Variants in CFAP157 observed in about 807,000 individuals in gnomAD.
CFAP157 encodes the protein cilia- and flagella-associated protein 157.
In CFAP157, 43 loss-of-function variants were observed where a neutral mutation model predicts 57.8. The observed-to-expected ratio is 0.74, with a 90% CI of 0.58 to 0.96. CFAP157 has a LOEUF of 0.96. Ranked by LOEUF, CFAP157 falls within the 40% of genes least tolerant of loss-of-function variation. The probability of loss-of-function intolerance (pLI) is 0.00; values close to 1 mark genes in which losing one functional copy is unlikely to be tolerated. For missense variants in CFAP157, 606 were observed against 655.3 expected, an observed-to-expected ratio of 0.92 and a Z score of 0.82; for synonymous variants, 267 against 269.0, an observed-to-expected ratio of 0.99 and a Z score of 0.07.
chr9:127,712,282 A>C lies in CFAP157; in HGVS notation c.1070A>C (p.Gln357Pro), dbSNP rs201161264. ...QRLQQELANE[Q>P]KVRASLEAAL... ...CTACAGCAGGAACTGGCTAATGAGC[A>C]GAAGGTTCGGGCCAGCCTGGAGGCG... The change falls in exon 6 of 9, where the codon CAG (glutamine) becomes CCG (proline). Residue 357 changes from glutamine (Q) to proline (P), a missense_variant. Coordinates refer to ENST00000373295, the MANE Select transcript of CFAP157 (RefSeq NM_001012502.3). 26 of 1,614,082 alleles carry C rather than the reference A, an allele frequency of 1.6e-5. No homozygotes were observed. The highest frequency in any genetic ancestry group is 2.1e-5 in the Non-Finnish European group (25 of 1,179,998).
chr9:127,715,887 G>A lies in CFAP157; in HGVS notation c.*1982G>A. 1 of 812,366 alleles carries A rather than the reference G, an allele frequency of 1.2e-6. No homozygotes were observed. The highest frequency in any genetic ancestry group is 1.9e-6 in the Non-Finnish European group (1 of 526,600). 50.3% of individuals were successfully genotyped at this position (812,366 alleles called of 1,614,324 possible). ...CGCTCGGAGCTCTTGCTTGACCTTC[G>A]GTTGGGAGGCCTTGTTATGCCCCCC... On this transcript the variant is annotated 3_prime_UTR_variant, in exon 9 of 9. Coordinates refer to ENST00000373295, the MANE Select transcript of CFAP157 (RefSeq NM_001012502.3). The surrounding 1 kb of genome is among the most constrained non-coding windows in gnomAD (Gnocchi z 5.8).
At chr9:127,710,808 C>G in intron 3 of CFAP157, 54 bp downstream of exon 3, 1 of 1,539,256 alleles carries the variant, frequency 6.5e-7, no homozygotes, top group South Asian at 1.2e-5. Flanking sequence ...CCTGGGGCTA[C>G]GAACATCCTA....
Position 127,711,914 on chromosome 9 carries a change from G to A in CFAP157, c.950G>A (p.Arg317Lys). ...LRLLLSQLEQ[R>K]SLQLQVDNQA... ...CTCCTGCTGAGCCAGTTGGAGCAGA[G>A]ATCCCTGCAGCTGCAGGTGGATAAC... The change falls in exon 5 of 9, where the codon AGA (arginine) becomes AAA (lysine). Residue 317 changes from arginine to lysine, a missense_variant. By Grantham distance (26) the Arg-to-Lys change is conservative. Coordinates refer to ENST00000373295, the MANE Select transcript of CFAP157 (RefSeq NM_001012502.3). 3 of 1,605,100 alleles carry A rather than the reference G, an allele frequency of 1.9e-6. No homozygotes were observed. The highest frequency in any genetic ancestry group is 2.5e-6 in the Non-Finnish European group (3 of 1,176,988).
chr9:127,710,738 G>C lies in CFAP157; in HGVS notation c.571G>C (p.Val191Leu), dbSNP rs779859762. 1.3e-6 allele frequency: 2 copies of C among 1,567,218 alleles called. No homozygotes were observed. Among genetic ancestry groups the C allele is most frequent in the Non-Finnish European group, 1.7e-6 (2 of 1,155,000 alleles). Residue 191 changes from valine to leucine, a missense_variant, in exon 3 of 9, where the codon GTG (valine) becomes CTG (leucine). Transcript: ENST00000373295. ...TGCATACAACCTGGAGAAGAAGTCG[G>C]TGCTGGACAAGGACAGGTGGGCAAG... is the stretch of plus-strand genomic sequence containing the variant. ...DYAYNLEKKS[V>L]LDKDRLRKEI...
chr9:127,712,071 C>T, intron 5 of CFAP157, 121 bp downstream of exon 5: 1 of 1,500,070 alleles, frequency 6.7e-7, no homozygotes, highest in Non-Finnish European at 9.0e-7. Context: ...GCCTGCCAGA[C>T]AGGCTGAGGC....
In CFAP157 at chr9:127,713,496, CTTTTTTTTTT is replaced by C. The variant is rs58502035; in HGVS notation, c.1491+309_1492-310del. The stretch of plus-strand genomic sequence containing the variant: ...CCTCAGCTTCCAAGCCAGCATCTTT[CTTTTTTTTTT>C]TTTTTTTTTTTTTTTTTTGAGACAG... On this transcript the variant is annotated intron_variant, in intron 8 of 8. Coordinates refer to ENST00000373295, the MANE Select transcript of CFAP157 (RefSeq NM_001012502.3). 24 of 90,932 alleles carry C rather than the reference CTTTTTTTTTT, an allele frequency of 2.6e-4. 1 individual carries two copies. Among genetic ancestry groups the C allele is most frequent in the South Asian group, 9.6e-4 (5 of 5,198 alleles). The allele number at this position is 90,932 out of a possible 1,614,324, so 5.6% of individuals were successfully genotyped here. A position where few individuals can be genotyped will look rare whatever the true frequency, so the allele number is the denominator to read the frequency against.
In CFAP157 at chr9:127,715,072, G is replaced by C; in HGVS notation, c.*1167G>C. On this transcript the variant is annotated 3_prime_UTR_variant, in exon 9 of 9. Coordinates refer to ENST00000373295, the MANE Select transcript of CFAP157 (RefSeq NM_001012502.3). The surrounding 1 kb of genome is among the most constrained non-coding windows in gnomAD (Gnocchi z 5.8). The stretch of plus-strand genomic sequence containing the variant: ...CCAGCGGGGCCAGGGCGAGGTCGGC[G>C]GCACAGTGCCGGTCGCGCGTCCAAC... The C allele has an allele frequency of 2.0e-6, 3 of 1,528,942 alleles. No homozygotes were observed. Among genetic ancestry groups the C allele is most frequent in the Non-Finnish European group, 2.6e-6 (3 of 1,143,872 alleles). The allele number at this position is 1,528,942 out of a possible 1,614,324, so 94.7% of individuals were successfully genotyped here.
chr9:127,711,927 G>A lies in CFAP157; in HGVS notation c.963G>A (p.Leu321=). 1.2e-6 allele frequency: 2 copies of A among 1,606,170 alleles called. No homozygotes were observed. The highest frequency in any genetic ancestry group is 1.7e-6 in the Non-Finnish European group (2 of 1,177,532). The change falls in exon 5 of 9, where the codon CTG becomes CTA. Residue 321 remains leucine, a synonymous_variant. Transcript: ENST00000373295. Reference sequence around the variant, plus strand: ...AGTTGGAGCAGAGATCCCTGCAGCTGCAGGTGGATAACCAGGCACTGAAGT... The same window carrying A: ...AGTTGGAGCAGAGATCCCTGCAGCTACAGGTGGATAACCAGGCACTGAAGT... ...LSQLEQRSLQ[L]QVDNQALKSQ...
chr9:127,711,957 A>G lies in CFAP157; in HGVS notation c.986+7A>G. 3 of 1,604,478 alleles carry G rather than the reference A, an allele frequency of 1.9e-6. No homozygotes were observed. The highest frequency in any genetic ancestry group is 2.2e-5 in the South Asian group (2 of 89,122). ...TGGATAACCAGGCACTGAAGTGCGT[A>G]TGGCCCACGGAGGGGCGGGCGGCGG... is the stretch of plus-strand genomic sequence containing the variant. On this transcript the variant is annotated splice_region_variant and intron_variant, in intron 5 of 8. Coordinates refer to ENST00000373295, the MANE Select transcript of CFAP157 (RefSeq NM_001012502.3).
In CFAP157 at chr9:127,713,194, C is replaced by T. The variant is rs769800465; in HGVS notation, c.1479C>T (p.His493=). 214 of 1,547,906 alleles carry T rather than the reference C, an allele frequency of 1.4e-4. No homozygotes were observed. The highest frequency in any genetic ancestry group is 1.8e-4 in the Non-Finnish European group (211 of 1,146,576). Residue 493 remains histidine, a synonymous_variant, in exon 8 of 9, where the codon CAC becomes CAT. Transcript: ENST00000373295. ...YITRVGTFRA[H]SSPEMRAPGS... is the part of the protein sequence containing the mutation. ...CCCGTGTGGGGACCTTCCGGGCACACAGCAGCCCTGAGGTGAGGGTGCCAG... is the reference window on the plus strand; with the variant it reads ...CCCGTGTGGGGACCTTCCGGGCACATAGCAGCCCTGAGGTGAGGGTGCCAG...
intron 1 of CFAP157, among the ~76,000 whole-genome samples, chr9:127,708,923 C>T (rs922266465): frequency 3.3e-5 from 5 of 152,180 alleles, no homozygotes; most frequent in African/African-American, 9.7e-5. Context: ...CAGAGCTGGC[C>T]GACTGCAGCA....
At chr9:127,707,744 C>T (rs888161898) in intron 1 of CFAP157, among the ~76,000 whole-genome samples, 1 of 152,206 alleles carries the variant, frequency 6.6e-6, no homozygotes, top group Non-Finnish European at 1.5e-5. Flanking sequence ...GATCCTCTAA[C>T]TCTTCATTCA....
chr9:127,707,820 C>G (rs775117728), intron 1 of CFAP157, among the ~76,000 whole-genome samples: 1 of 152,156 alleles, frequency 6.6e-6, no homozygotes, highest in Non-Finnish European at 1.5e-5. Context: ...TGTGAGGCAC[C>G]GCCCCAGTCT....
chr9:127,715,463 G>A lies in CFAP157; in HGVS notation c.*1558G>A. The stretch of plus-strand genomic sequence containing the variant: ...TTAAGAAAACAGAGCAGCAATTTGG[G>A]GGCACTCGGCTCCCGGGACATAATG... On this transcript the variant is annotated 3_prime_UTR_variant, in exon 9 of 9. Coordinates refer to ENST00000373295, the MANE Select transcript of CFAP157 (RefSeq NM_001012502.3). The surrounding 1 kb of genome is among the most constrained non-coding windows in gnomAD (Gnocchi z 5.8). 1 of 1,581,646 alleles carries A rather than the reference G, an allele frequency of 6.3e-7. No homozygotes were observed. Among genetic ancestry groups the A allele is most frequent in the East Asian group, 2.3e-5 (1 of 44,176 alleles).
chr9:127,711,502 C>T lies in CFAP157; in HGVS notation c.855+6C>T. ...ACAAAAGAGGCCACCAGAAGGTGTGCCTGCAGGCCTCAGCACAGGGCATTT... is the reference window on the plus strand; with the variant it reads ...ACAAAAGAGGCCACCAGAAGGTGTGTCTGCAGGCCTCAGCACAGGGCATTT... On this transcript the variant is annotated splice_donor_region_variant and intron_variant, in intron 4 of 8. Coordinates refer to ENST00000373295, the MANE Select transcript of CFAP157 (RefSeq NM_001012502.3). 1 of 1,611,850 alleles carries T rather than the reference C, an allele frequency of 6.2e-7. No homozygotes were observed. The highest frequency in any genetic ancestry group is 1.7e-4 in the Middle Eastern group (1 of 5,812).
intron 4 of CFAP157, 46 bp from the exon 5 acceptor site, chr9:127,711,774 G>C (rs554195043): frequency 8.6e-4 from 1,329 of 1,537,874 alleles, no homozygotes; most frequent in Non-Finnish European, 1.1e-3. Flanking sequence ...TCTGCAGCTG[G>C]GGGACAGGGC....
rs1842965938 is a variant in CFAP157, at chr9:127,715,801, C to T, written c.*1896C>T. 4.0e-5 allele frequency: 56 copies of T among 1,411,608 alleles called. 2 individuals are homozygous for T. In the South Asian group the frequency reaches 6.9e-4, roughly 17 times the overall value. 87.4% of individuals were successfully genotyped at this position (1,411,608 alleles called of 1,614,324 possible). ...GAAGCGGCGAGGCGGTGGCCGAGTC[C>T]GGGAACCCAGGCGCCTTCAGTAGCG... On this transcript the variant is annotated 3_prime_UTR_variant, in exon 9 of 9. Coordinates refer to ENST00000373295, the MANE Select transcript of CFAP157 (RefSeq NM_001012502.3). This position sits in a 1 kb window ranked among gnomAD's most constrained non-coding sequence, Gnocchi z 5.8.
Position 127,714,293 on chromosome 9 carries a change from G to A in CFAP157, c.*388G>A, listed in dbSNP as rs369413361. 29 of 1,613,978 alleles carry A rather than the reference G, an allele frequency of 1.8e-5. No individual in the cohort carries two copies. The African/African-American group carries it at 3.2e-4, about 18-fold the overall frequency. On this transcript the variant is annotated 3_prime_UTR_variant, in exon 9 of 9. Coordinates refer to ENST00000373295, the MANE Select transcript of CFAP157 (RefSeq NM_001012502.3). ...CAGCCTTGGCATTGCCTGTGGGAGA[G>A]CCAGAGAGGCCCAGGAAGCTTTGGC... is the stretch of plus-strand genomic sequence containing the variant.
rs1031808249 is a variant in CFAP157 at position 127,712,722 on chromosome 9, A to G, written c.1151A>G (p.Glu384Gly). The stretch of plus-strand genomic sequence containing the variant: ...CCTCACCAACAGATGCACCGCGATG[A>G]AGAGGACAGTGACGTTGACGTGACG... The part of the protein sequence containing the change: ...LQNILQMHRD[E>G]EDSDVDVTFQ... Residue 384 changes from glutamate (E) to glycine (G), a missense_variant, in exon 7 of 9, where the codon GAA becomes GGA. By Grantham distance (98) the Glu-to-Gly change is moderately conservative. Transcript: ENST00000373295. 4 of 1,614,050 alleles carry G rather than the reference A, an allele frequency of 2.5e-6. No homozygotes were observed. In the African/African-American group the frequency reaches 5.3e-5, roughly 22 times the overall value.
Sources: gnomAD v4.1 joint callset for allele counts (sites outside exome capture counted in the v4.1 genomes callset) on GRCh38, gnomAD v4.1.1 for gene constraint, Gnocchi (gnomAD v3.1) non-coding constraint, MANE v1.5 for transcripts, NCBI Gene and HGNC (gene_info 2026-07-23, HGNC 2026-07-21) for gene names.